The following TTC6 variants were observed in gnomAD, a reference collection of about 807,000 sequenced individuals.
TTC6 encodes tetratricopeptide repeat protein 6.
Under a neutral mutation model 210.4 loss-of-function variants are expected in TTC6, and 172 were observed. The observed-to-expected ratio is 0.82, with a 90% confidence interval of 0.72 to 0.93. TTC6 has a LOEUF of 0.93. Among genes scored for constraint, TTC6 ranks in the 40% least tolerant of loss-of-function variants. The pLI is 0.00. For missense variants in TTC6, 2,414 were observed against 2,318.1 expected (o/e 1.04, Z -0.85); for synonymous variants, 804 against 819.6 (o/e 0.98, Z 0.32).
exon 1 of TTC6, chr14:37,622,582 C>A (rs970707573): frequency 3.3e-6 from 5 of 1,533,928 alleles, no homozygotes. Flanking sequence ...TCGCGGCACG[C>A]GGCTCCCAGG....
intron 10 of TTC6, among the ~76,000 whole-genome samples, chr14:37,741,228 A>G (rs12437420): frequency 0.62 from 93,060 of 149,814 alleles, 30,087 homozygotes; most frequent in East Asian, 0.89. Context: ...CTATGGAGCA[A>G]CTTGAAAAAT....
chr14:37,805,850 G>A (rs2096117441), intron 21 of TTC6, among the ~76,000 whole-genome samples: 1 of 151,988 alleles, frequency 6.6e-6, no homozygotes, highest in African/African-American at 2.4e-5. Context: ...ACAGGCTCAC[G>A]CCACCGCACC....
intron 3 of TTC6, among the ~76,000 whole-genome samples, chr14:37,692,208 C>A (rs1232465709): frequency 2.5e-4 from 10 of 40,156 alleles, no homozygotes; most frequent in South Asian, 1.8e-3. Flanking sequence ...AAAGACACAC[C>A]AAAAAAAAAA....
At chr14:37,646,005 T>G (rs1272886547) in intron 1 of TTC6, among the ~76,000 whole-genome samples, 1 of 152,202 alleles carries the variant, frequency 6.6e-6, no homozygotes, top group Non-Finnish European at 1.5e-5. Flanking sequence ...ACGACTACAC[T>G]GGAAGACATA....
In TTC6 at chr14:37,766,847, T is replaced by C. The variant is rs528713670; in HGVS notation, c.3266+13612T>C. 4.3e-4 allele frequency among the ~76,000 whole-genome samples: 65 copies of C among 152,220 alleles called. No homozygotes were observed. The South Asian group carries it at 5.2e-3, about 12-fold the overall frequency. On this transcript the variant is annotated intron_variant, in intron 14 of 30. Coordinates refer to ENST00000553443, the Ensembl canonical transcript of TTC6. ...TTAAGTTTTAGGGTACATGTGCACA[T>C]TGTACAGGTTAGTTACGTATGTATA...
chr14:37,823,843 C>A lies in TTC6; in HGVS notation c.4860C>A (p.Tyr1620Ter). The A allele has an allele frequency of 1.2e-6, 2 of 1,613,990 alleles. No individual in the cohort carries two copies. The highest frequency in any genetic ancestry group is 1.7e-6 in the Non-Finnish European group (2 of 1,179,938). ...CTTATGTTGGACGGGGAAATTCTTA[C>A]ATGGAATACGGTCATGATGAAGCCA... is the stretch of plus-strand genomic sequence containing the variant. Residue 1620 changes from tyrosine to a stop codon, truncating the protein, a stop_gained, in exon 27 of 31, where the codon TAC (tyrosine) becomes TAA (stop). Transcript: ENST00000553443. LOFTEE classifies it high-confidence loss of function.
intron 1 of TTC6, among the ~76,000 whole-genome samples, chr14:37,638,105 G>T (rs2095684576): frequency 6.6e-6 from 1 of 152,082 alleles, no homozygotes. Flanking sequence ...GGGGTAAATG[G>T]ATATATAACT....
At chr14:37,760,552 G>A (rs1025919958) in intron 14 of TTC6, among the ~76,000 whole-genome samples, 1 of 152,178 alleles carries the variant, frequency 6.6e-6, no homozygotes, top group Admixed American at 6.5e-5. Context: ...TTCCTTGTCA[G>A]GATCAGCTGC....
intron 1 of TTC6, among the ~76,000 whole-genome samples, chr14:37,659,456 C>T (rs759896975): frequency 4.2e-4 from 64 of 151,750 alleles, no homozygotes; most frequent in East Asian, 3.9e-4. Context: ...GTTATTTTTT[C>T]GACTTTTTTA....
At chr14:37,790,932 AC>A in intron 16 of TTC6, 95 bp downstream of exon 18, 1 of 1,078,874 alleles carries the variant, frequency 9.3e-7, no homozygotes, top group Non-Finnish European at 1.3e-6. Flanking sequence ...ATCATTGATA[AC>A]CTAGAAAAAA....
exon 5 of TTC6, chr14:37,701,383 C>T (rs1356699851): frequency 2.0e-6 from 3 of 1,526,432 alleles, no homozygotes; most frequent in African/African-American, 2.8e-5. Context: ...GCACCACCAT[C>T]CCAGCCCAGG....
intron 1 of TTC6, among the ~76,000 whole-genome samples, chr14:37,605,656 C>T (rs2095623818): frequency 6.6e-6 from 1 of 152,198 alleles, no homozygotes; most frequent in African/African-American, 2.4e-5. Flanking sequence ...ACATATCTAC[C>T]TTTAGAAAAG....
chr14:37,680,302 T>C, intron 2 of TTC6, 41 bp downstream of exon 4: 3 of 1,233,246 alleles, frequency 2.4e-6, no homozygotes, highest in Non-Finnish European at 2.2e-6. Context: ...TCTGTTAAAG[T>C]AACAGCATGC....
chr14:37,807,322 A>G (rs746493919), exon 23 of TTC6: 127 of 1,522,078 alleles, frequency 8.3e-5, no homozygotes, highest in Non-Finnish European at 1.2e-5. Flanking sequence ...CTGAATAGGC[A>G]TATTTAAGCC....
intron 14 of TTC6, among the ~76,000 whole-genome samples, chr14:37,779,623 G>A (rs912896836): frequency 6.6e-6 from 1 of 152,092 alleles, no homozygotes; most frequent in African/African-American, 2.4e-5. Context: ...TTGAAAGTTT[G>A]GAATAACTTG....
chr14:37,796,857 T>C (rs1201234198), exon 20 of TTC6: 1 of 1,611,556 alleles, frequency 6.2e-7, no homozygotes, highest in South Asian at 1.1e-5. Flanking sequence ...ACAAGGCCAT[T>C]GAGGTCTTGG....
chr14:37,756,481 G>C (rs1467957866), intron 14 of TTC6, among the ~76,000 whole-genome samples: 1 of 152,066 alleles, frequency 6.6e-6, no homozygotes, highest in Non-Finnish European at 1.5e-5. Context: ...ATATATTATG[G>C]GTTTGTCATA....
chr14:37,635,992 A>G (rs1209088696), intron 1 of TTC6, among the ~76,000 whole-genome samples: 1 of 150,412 alleles, frequency 6.6e-6, no homozygotes, highest in East Asian at 1.9e-4. Context: ...AAAAAAAAAA[A>G]AAAAAAAAGA....
chr14:37,626,330 C>T (rs949890530), intron 1 of TTC6, among the ~76,000 whole-genome samples: 1 of 152,196 alleles, frequency 6.6e-6, no homozygotes, highest in African/African-American at 2.4e-5. Context: ...GTCCTTGCTT[C>T]TGTCATGCGT....
Sources: gnomAD v4.1 joint callset for allele counts (sites outside exome capture counted in the v4.1 genomes callset) on GRCh38, gnomAD v4.1.1 for gene constraint, MANE v1.5 for transcripts, NCBI Gene and HGNC (gene_info 2026-07-23, HGNC 2026-07-21) for gene names.